CALCRL: variants seen among roughly 807,000 people sequenced by gnomAD.
CALCRL encodes calcitonin receptor like receptor.
In CALCRL, 27 loss-of-function variants were observed where a neutral mutation model predicts 60.4. The ratio of observed to expected loss-of-function variants is 0.45; its 90% CI spans 0.33 to 0.62. CALCRL has a LOEUF of 0.62. Among genes scored for constraint, CALCRL ranks in the 20% least tolerant of loss-of-function variants. The pLI is 0.03. For synonymous variants in CALCRL, 190 were observed against 182.6 expected (o/e 1.04, Z -0.33); for missense variants, 424 against 540.7 (o/e 0.78, Z 2.14).
At chr2:187,444,923 A>G (rs1691103016) in intron 1 of CALCRL, among the ~76,000 whole-genome samples, 1 of 151,560 alleles carries the variant, frequency 6.6e-6, no homozygotes, top group African/African-American at 2.4e-5. Context: ...GTAGACTTGT[A>G]TTTCTGGTAA....
chr2:187,353,198 A>G (rs925007476), intron 12 of CALCRL, among the ~76,000 whole-genome samples: 8 of 151,956 alleles, frequency 5.3e-5, no homozygotes, highest in East Asian at 1.9e-4. Flanking sequence ...CACCCAGTCA[A>G]TATCTTTTAC....
At chr2:187,425,734 G>T (rs2105882248) in intron 1 of CALCRL, among the ~76,000 whole-genome samples, 1 of 152,056 alleles carries the variant, frequency 6.6e-6, no homozygotes, top group East Asian at 1.9e-4. Flanking sequence ...AAAGAGCAGT[G>T]TGCTTCAAGT....
chr2:187,416,140 A>G (rs1689595169), intron 1 of CALCRL, among the ~76,000 whole-genome samples: 1 of 152,228 alleles, frequency 6.6e-6, no homozygotes, highest in Non-Finnish European at 1.5e-5. Context: ...TAGGTAACGC[A>G]TATATTAATT....
chr2:187,383,336 T>C (rs1371805090), intron 4 of CALCRL, 31 bp from the exon 5 acceptor site: 2 of 1,563,198 alleles, frequency 1.3e-6, no homozygotes, highest in Non-Finnish European at 1.7e-6. Flanking sequence ...CAACATCAAC[T>C]TCATGAAAAG....
At chr2:187,404,810 G>A (rs1307301878) in intron 1 of CALCRL, among the ~76,000 whole-genome samples, 1 of 151,932 alleles carries the variant, frequency 6.6e-6, no homozygotes, top group Admixed American at 6.6e-5. Flanking sequence ...TGGAGCAGGA[G>A]TCAGTATGGG....
At chr2:187,419,817 C>G (rs1178160092) in intron 1 of CALCRL, among the ~76,000 whole-genome samples, 1 of 152,048 alleles carries the variant, frequency 6.6e-6, no homozygotes, top group East Asian at 1.9e-4. Flanking sequence ...TAGCTAGAAG[C>G]ATAAATCTGT....
chr2:187,381,100 G>A lies in CALCRL; in HGVS notation c.185-313C>T, dbSNP rs145097149. On this transcript the variant is annotated intron_variant, in intron 5 of 14. Coordinates refer to ENST00000392370, the MANE Select transcript of CALCRL (RefSeq NM_005795.6). The stretch of plus-strand genomic sequence containing the variant: ...GCTAGTTGTCCTTAGCCATAATGTA[G>A]TGATTAGCGTCCCTATGCTTAAAAT... Among the ~76,000 whole-genome samples the A allele has an allele frequency of 4.7e-3, 712 of 152,166 alleles. 4 individuals carry two copies. Among genetic ancestry groups the A allele is most frequent in the African/African-American group, 0.016 (672 of 41,536 alleles).
Position 187,433,035 on chromosome 2 carries a change from A to T in CALCRL, c.-293+15004T>A, listed in dbSNP as rs527598638. Reference sequence around the variant, plus strand: ...GTTCGCACAATGACAAACTTGCCTAATGACACATTTCTCAGGACATATCCC... The same window carrying T: ...GTTCGCACAATGACAAACTTGCCTATTGACACATTTCTCAGGACATATCCC... On this transcript the variant is annotated intron_variant, in intron 1 of 14. Coordinates refer to ENST00000392370, the MANE Select transcript of CALCRL (RefSeq NM_005795.6). 3.3e-5 allele frequency among the ~76,000 whole-genome samples: 5 copies of T among 152,188 alleles called. No homozygotes were observed. In the East Asian group the frequency reaches 7.7e-4, roughly 23 times the overall value.
intron 1 of CALCRL, among the ~76,000 whole-genome samples, chr2:187,406,750 A>G (rs1371580317): frequency 1.3e-5 from 2 of 152,088 alleles, no homozygotes; most frequent in Non-Finnish European, 2.9e-5. Context: ...ACAGAGAAAG[A>G]AAAAGAAGAC....
chr2:187,378,592 T>C (rs1244256045), intron 8 of CALCRL, among the ~76,000 whole-genome samples: 1 of 152,180 alleles, frequency 6.6e-6, no homozygotes, highest in African/African-American at 2.4e-5. Flanking sequence ...TGGACACTTA[T>C]TCTGTTATTA....
intron 1 of CALCRL, among the ~76,000 whole-genome samples, chr2:187,406,203 AATCTG>A (rs1416662035): frequency 6.7e-6 from 1 of 149,308 alleles, no homozygotes; most frequent in South Asian, 2.1e-4. Context: ...AAAAAACACA[AATCTG>A]ATATGTTGTA....
intron 1 of CALCRL, among the ~76,000 whole-genome samples, chr2:187,424,806 A>G (rs1690046999): frequency 6.6e-6 from 1 of 152,028 alleles, no homozygotes; most frequent in African/African-American, 2.4e-5. Flanking sequence ...TAATTTGGGA[A>G]GAAGAAATAT....
chr2:187,419,533 G>A (rs943391741), intron 1 of CALCRL, among the ~76,000 whole-genome samples: 1 of 152,108 alleles, frequency 6.6e-6, no homozygotes, highest in Non-Finnish European at 1.5e-5. Context: ...GGCAGCCCTT[G>A]CAAATTAATA....
intron 8 of CALCRL, among the ~76,000 whole-genome samples, chr2:187,367,314 G>T (rs1012413645): frequency 1.3e-5 from 2 of 152,026 alleles, no homozygotes; most frequent in African/African-American, 2.4e-5. Context: ...TTCATTTTGT[G>T]TTGTGTAAAT....
At chr2:187,423,631 A>G (rs912524307) in intron 1 of CALCRL, among the ~76,000 whole-genome samples, 40 of 152,028 alleles carry the variant, frequency 2.6e-4, no homozygotes, top group African/African-American at 9.7e-4. Context: ...TAGTGTTTGA[A>G]GTGACAGGGA....
At chr2:187,390,060 G>T (rs1688369237) in intron 1 of CALCRL, among the ~76,000 whole-genome samples, 1 of 152,094 alleles carries the variant, frequency 6.6e-6, no homozygotes. Context: ...TTATTAGAAA[G>T]TTTTAGACAG....
chr2:187,444,136 C>T (rs892431496), intron 1 of CALCRL, among the ~76,000 whole-genome samples: 1 of 151,538 alleles, frequency 6.6e-6, no homozygotes, highest in South Asian at 2.1e-4. Flanking sequence ...CAAAATTCAC[C>T]ATAATTTCAT....
chr2:187,409,264 G>A (rs1190544806), intron 1 of CALCRL, among the ~76,000 whole-genome samples: 2 of 152,092 alleles, frequency 1.3e-5, no homozygotes, highest in South Asian at 2.1e-4. Context: ...AATAACCTTA[G>A]TAGGGTGTCA....
Position 187,425,913 on chromosome 2 carries a change from A to T in CALCRL, c.-293+22126T>A, listed in dbSNP as rs992103363. Among the ~76,000 whole-genome samples, 8 of 152,098 alleles carry T rather than the reference A, an allele frequency of 5.3e-5. No homozygotes were observed. In the East Asian group the frequency reaches 1.3e-3, roughly 26 times the overall value. On this transcript the variant is annotated intron_variant, in intron 1 of 14. Coordinates refer to ENST00000392370, the MANE Select transcript of CALCRL (RefSeq NM_005795.6). Reference sequence around the variant, plus strand: ...CACAATGAAACATAAATATAAAAGCAATTCAATATCTACCACATTCATTTA... The same window carrying T: ...CACAATGAAACATAAATATAAAAGCTATTCAATATCTACCACATTCATTTA...
Sources: allele counts gnomAD v4.1 joint callset (sites outside exome capture counted in the v4.1 genomes callset), GRCh38; gene constraint gnomAD v4.1.1; transcripts MANE v1.5; gene names NCBI Gene and HGNC (gene_info 2026-07-23, HGNC 2026-07-21).